Variants in ERMP1 observed in about 807,000 individuals in gnomAD.
ERMP1 encodes the protein Felix-ina.
Under a neutral mutation model 92.0 loss-of-function variants are expected in ERMP1, and 86 were observed. The ratio of observed to expected loss-of-function variants is 0.93; its 90% CI spans 0.79 to 1.12. ERMP1 has a LOEUF of 1.12. Ranked by LOEUF, ERMP1 falls within the 50% of genes most tolerant of loss-of-function variation. The pLI, the probability that ERMP1 is intolerant of heterozygous loss-of-function variation, is 0.00. For missense variants in ERMP1, 1,342 were observed against 1,116.3 expected (o/e 1.20, Z -2.88); for synonymous variants, 530 against 412.8 (o/e 1.28, Z -3.44).
intron 2 of ERMP1, among the ~76,000 whole-genome samples, chr9:5,828,721 T>A (rs1829819830): frequency 6.6e-6 from 1 of 152,226 alleles, no homozygotes; most frequent in Non-Finnish European, 1.5e-5. Context: ...TTGGTTTTTC[T>A]CTTTTTAACC....
At chr9:5,839,167 A>G (rs1476274537) in intron 6 of ERMP1, among the ~76,000 whole-genome samples, 2 of 152,230 alleles carry the variant, frequency 1.3e-5, no homozygotes, top group African/African-American at 4.8e-5. Flanking sequence ...TAGACTAAAA[A>G]GTTTAGGGTC....
chr9:5,790,637 AAC>A (rs1828151250), intron 13 of ERMP1, among the ~76,000 whole-genome samples: 5 of 152,264 alleles, frequency 3.3e-5, no homozygotes, highest in Admixed American at 1.3e-4. Flanking sequence ...TATTTCTCAA[AAC>A]ACAGAATTCA....
At chr9:5,857,453 A>T (rs1462673895) in intron 6 of ERMP1, among the ~76,000 whole-genome samples, 3 of 152,216 alleles carry the variant, frequency 2.0e-5, no homozygotes, top group Non-Finnish European at 2.9e-5. Flanking sequence ...TGACCACAAA[A>T]GTGCCATGAA....
At chr9:5,791,506 G>C (rs1228135887) in intron 13 of ERMP1, among the ~76,000 whole-genome samples, 1 of 152,188 alleles carries the variant, frequency 6.6e-6, no homozygotes. Flanking sequence ...CATTTGACCA[G>C]ATACCTGGGT....
At chr9:5,790,626 T>G (rs1828150693) in intron 13 of ERMP1, among the ~76,000 whole-genome samples, 2 of 152,216 alleles carry the variant, frequency 1.3e-5, no homozygotes, top group Non-Finnish European at 2.9e-5. Flanking sequence ...AAGTCCTATC[T>G]TATTTCTCAA....
intron 5 of ERMP1, among the ~76,000 whole-genome samples, chr9:5,862,323 T>G (rs916358689): frequency 1.3e-5 from 2 of 152,068 alleles, no homozygotes; most frequent in African/African-American, 4.8e-5. Flanking sequence ...TGAGCCACCA[T>G]GCCTGACCTA....
chr9:5,864,188 A>G (rs1830582740), intron 5 of ERMP1, among the ~76,000 whole-genome samples: 1 of 152,246 alleles, frequency 6.6e-6, no homozygotes, highest in South Asian at 2.1e-4. Flanking sequence ...TGATCAATGA[A>G]GTTGAACATT....
intron 6 of ERMP1, among the ~76,000 whole-genome samples, chr9:5,842,960 A>C (rs1341503716): frequency 6.6e-6 from 1 of 152,260 alleles, no homozygotes; most frequent in Non-Finnish European, 1.5e-5. Context: ...AGCCAGAGAT[A>C]AGGCTAATCT....
At chr9:5,844,596 A>G (rs762344039) in intron 6 of ERMP1, among the ~76,000 whole-genome samples, 10 of 152,166 alleles carry the variant, frequency 6.6e-5, no homozygotes, top group Non-Finnish European at 1.2e-4. Flanking sequence ...ATTACAGTCA[A>G]TCTTTGTGAG....
At chr9:5,836,233 C>A (rs1307529212), upstream of ERMP1, among the ~76,000 whole-genome samples, 1 of 152,230 alleles carries the variant, frequency 6.6e-6, no homozygotes, top group Non-Finnish European at 1.5e-5. Context: ...CCCCACAGGT[C>A]ATTCCATAGC....
Position 5,832,878 on chromosome 9 carries a change from C to T in ERMP1, c.150G>A (p.Arg50=), listed in dbSNP as rs1830014206. ...VDGCSGGGRT[R]KRSPGGSGGA... Reference sequence around the variant, plus strand: ...CGCCGCTACCCCCGGGGCTCCTCTTCCGCGTCCTCCCGCCGCCGCTGCACC... The same window carrying T: ...CGCCGCTACCCCCGGGGCTCCTCTTTCGCGTCCTCCCGCCGCCGCTGCACC... The change falls in exon 1 of 15, where the codon CGG becomes CGA. Residue 50 remains arginine (R), a synonymous_variant. Transcript: ENST00000339450. 1 of 1,532,198 alleles carries T rather than the reference C, an allele frequency of 6.5e-7. No individual in the cohort carries two copies. The highest frequency in any genetic ancestry group is 1.2e-5 in the South Asian group (1 of 83,054). The allele number at this position is 1,532,198 out of a possible 1,614,324, so 94.9% of individuals were successfully genotyped here.
chr9:5,798,469 G>C (rs1382374613), intron 12 of ERMP1, among the ~76,000 whole-genome samples: 1 of 152,020 alleles, frequency 6.6e-6, no homozygotes, highest in African/African-American at 2.4e-5. Context: ...ACCCGCCTCG[G>C]CCTCCCAAAG....
chr9:5,842,543 T>C (rs1280536110), intron 6 of ERMP1, among the ~76,000 whole-genome samples: 1 of 152,210 alleles, frequency 6.6e-6, no homozygotes, highest in Non-Finnish European at 1.5e-5. Context: ...CACAAAGTTG[T>C]TCACTTTTAA....
chr9:5,856,050 T>C, intron 6 of ERMP1: 1 of 385,742 alleles, frequency 2.6e-6, no homozygotes. Context: ...TATACCCTGC[T>C]GCAAGGAGGG....
chr9:5,832,556 C>T (rs1000401815), intron 1 of ERMP1, 134 bp downstream of exon 1: 2 of 655,806 alleles, frequency 3.0e-6, no homozygotes, highest in Non-Finnish European at 4.7e-6. Flanking sequence ...CACCCCACCC[C>T]ACGTGCAGCC....
intron 6 of ERMP1, among the ~76,000 whole-genome samples, chr9:5,849,256 C>T (rs1417377421): frequency 1.3e-5 from 2 of 152,170 alleles, no homozygotes; most frequent in Non-Finnish European, 2.9e-5. Context: ...CTCTTGACCT[C>T]GTGATCTGCC....
At chr9:5,795,056 G>C (rs1458022494) in intron 13 of ERMP1, among the ~76,000 whole-genome samples, 2 of 152,120 alleles carry the variant, frequency 1.3e-5, no homozygotes, top group African/African-American at 4.8e-5. Context: ...CCATAACCAA[G>C]TAGGATTTAC....
chr9:5,822,342 ATTAG>A (rs1211645816), intron 4 of ERMP1, among the ~76,000 whole-genome samples: 7 of 152,186 alleles, frequency 4.6e-5, no homozygotes, highest in Non-Finnish European at 8.8e-5. Flanking sequence ...GCTTCTTCTC[ATTAG>A]TTAGAGTAAG....
At chr9:5,847,135 T>C (rs1403086795) in intron 6 of ERMP1, among the ~76,000 whole-genome samples, 7 of 152,226 alleles carry the variant, frequency 4.6e-5, no homozygotes. Context: ...TTTAACTCAC[T>C]GTTAGATCTA....
Sources: allele counts gnomAD v4.1 joint callset (sites outside exome capture counted in the v4.1 genomes callset), GRCh38; gene constraint gnomAD v4.1.1; transcripts MANE v1.5; gene names NCBI Gene and HGNC (gene_info 2026-07-23, HGNC 2026-07-21).